The following BIVM variants were observed in gnomAD, a reference collection of about 807,000 sequenced individuals.
BIVM encodes basic, immunoglobulin-like variable motif containing.
BIVM carries 31 observed loss-of-function variants against 61.4 expected under a neutral mutation model. The ratio of observed to expected loss-of-function variants is 0.51; its 90% CI spans 0.38 to 0.68. The LOEUF is 0.68. Ranked by LOEUF, BIVM falls within the 30% of genes least tolerant of loss-of-function variation. BIVM has a pLI of 0.00. For missense variants in BIVM, 526 were observed against 596.0 expected, an observed-to-expected ratio of 0.88 and a Z score of 1.22; for synonymous variants, 189 against 210.7, an observed-to-expected ratio of 0.90 and a Z score of 0.89.
intron 9 of BIVM, among the ~76,000 whole-genome samples, chr13:102,837,508 G>T (rs922166764): frequency 1.3e-5 from 2 of 152,066 alleles, no homozygotes; most frequent in African/African-American, 4.8e-5. Context: ...ATTCCTTAAA[G>T]AACTAAAAGT....
intron 7 of BIVM, among the ~76,000 whole-genome samples, chr13:102,826,337 T>C (rs2140485457): frequency 6.6e-6 from 1 of 152,332 alleles, no homozygotes; most frequent in East Asian, 1.9e-4. Context: ...TTCTGTCTTC[T>C]GGAGTCTCTC....
At chr13:102,803,722 C>G (rs1251948209) in intron 1 of BIVM, among the ~76,000 whole-genome samples, 1 of 151,996 alleles carries the variant, frequency 6.6e-6, no homozygotes, top group Non-Finnish European at 1.5e-5. Context: ...TTTCATTCCT[C>G]ACCTCGCACA....
chr13:102,837,845 G>A (rs1881585561), intron 9 of BIVM, among the ~76,000 whole-genome samples: 5 of 152,236 alleles, frequency 3.3e-5, no homozygotes, highest in Admixed American at 2.0e-4. Flanking sequence ...TGGGAGCTAA[G>A]CTATGCGGAT....
intron 3 of BIVM, among the ~76,000 whole-genome samples, chr13:102,815,731 C>A (rs369257953): frequency 5.3e-4 from 80 of 152,248 alleles, no homozygotes; most frequent in African/African-American, 1.8e-3. Flanking sequence ...CTGTTGTTTG[C>A]CTTGAGGGTC....
intron 7 of BIVM, among the ~76,000 whole-genome samples, chr13:102,830,781 A>G (rs1881010668): frequency 6.6e-6 from 1 of 152,088 alleles, no homozygotes; most frequent in Non-Finnish European, 1.5e-5. Context: ...AAAGGAAAAA[A>G]CTCAGCAAAG....
chr13:102,822,275 A>C (rs1880346289), intron 7 of BIVM, 116 bp downstream of exon 7: 1 of 944,856 alleles, frequency 1.1e-6, no homozygotes, highest in Non-Finnish European at 1.6e-6. Flanking sequence ...CTGGGACATT[A>C]TGTAAACCCT....
chr13:102,822,032 G>T (rs2274390), intron 6 of BIVM, 33 bp from the exon 7 acceptor site: 4 of 1,606,316 alleles, frequency 2.5e-6, no homozygotes, highest in Non-Finnish European at 3.4e-6. Flanking sequence ...TTGTAGAATT[G>T]TTGCCATGAA....
chr13:102,823,552 T>C (rs1474535473), intron 7 of BIVM, among the ~76,000 whole-genome samples: 2 of 152,220 alleles, frequency 1.3e-5, no homozygotes, highest in African/African-American at 4.8e-5. Flanking sequence ...ACATGGGGCC[T>C]GTCTATCCTT....
In BIVM at chr13:102,807,680, C is replaced by T. The variant is rs755391680; in HGVS notation, c.413C>T (p.Pro138Leu). 1 of 1,614,050 alleles carries T rather than the reference C, an allele frequency of 6.2e-7. No individual in the cohort carries two copies. The highest frequency in any genetic ancestry group is 2.2e-5 in the East Asian group (1 of 44,888). ...TTATCCAACAGCCTGGGCAAGCTAC[C>T]TCTCGCATGGGAAATTGATAAATCT... ...ENLSNSLGKL[P>L]LAWEIDKSEF... The change falls in exon 3 of 11, where the codon CCT becomes CTT. Residue 138 changes from proline (P) to leucine (L), a missense_variant. Physicochemically the swap from Pro to Leu is moderately conservative, Grantham distance 98. This residue lies in a region of BIVM where 312 missense variants were observed against 343.8 expected (regional missense o/e 0.91). Transcript: ENST00000257336. The surrounding 1 kb of genome is among the most constrained non-coding windows in gnomAD (Gnocchi z 4.0).
At chr13:102,815,358 AAT>A (rs1239652490) in intron 3 of BIVM, among the ~76,000 whole-genome samples, 1 of 152,198 alleles carries the variant, frequency 6.6e-6, no homozygotes, top group African/African-American at 2.4e-5. Context: ...TTTAAAATAG[AAT>A]ATGTGTGAAA....
intron 3 of BIVM, among the ~76,000 whole-genome samples, chr13:102,814,140 C>A (rs1202672419): frequency 6.6e-6 from 1 of 151,790 alleles, no homozygotes; most frequent in Admixed American, 6.6e-5. Context: ...TGTGTGTGTG[C>A]TGTGGGTAGG....
chr13:102,825,349 C>T (rs191539794), intron 7 of BIVM, among the ~76,000 whole-genome samples: 9 of 152,262 alleles, frequency 5.9e-5, no homozygotes, highest in East Asian at 5.8e-4. Context: ...CCTCCTACCT[C>T]GGCCTCCCAA....
chr13:102,812,221 T>A (rs556094511), intron 3 of BIVM, among the ~76,000 whole-genome samples: 35 of 152,344 alleles, frequency 2.3e-4, no homozygotes, highest in South Asian at 6.2e-4. Context: ...GAATTTATTT[T>A]TGGTTTTAAG....
At chr13:102,804,485 G>C (rs1032781587) in intron 1 of BIVM, among the ~76,000 whole-genome samples, 20 of 151,702 alleles carry the variant, frequency 1.3e-4, no homozygotes, top group African/African-American at 4.4e-4. Context: ...TAATTTTTTT[G>C]TGTTTTTTAG....
At chr13:102,839,495 G>T in intron 10 of BIVM, 77 bp from the exon 11 acceptor site, 1 of 1,538,462 alleles carries the variant, frequency 6.5e-7, no homozygotes, top group South Asian at 1.3e-5. Flanking sequence ...AAAGAAAGAA[G>T]GGAGTTCATA....
intron 7 of BIVM, among the ~76,000 whole-genome samples, chr13:102,825,956 AG>A (rs949543854): frequency 3.3e-5 from 5 of 152,140 alleles, no homozygotes; most frequent in African/African-American, 1.2e-4. Context: ...GAAAAACTAG[AG>A]TTGCCTTTCT....
intron 9 of BIVM, among the ~76,000 whole-genome samples, chr13:102,836,421 T>C (rs751457179): frequency 3.7e-4 from 57 of 152,180 alleles, no homozygotes; most frequent in Non-Finnish European, 7.3e-4. Flanking sequence ...CAAGTGATCC[T>C]CCCATCTCAG....
chr13:102,816,274 G>A (rs1378356988), intron 3 of BIVM, among the ~76,000 whole-genome samples, 154 bp from the exon 4 acceptor site: 1 of 152,206 alleles, frequency 6.6e-6, no homozygotes, highest in Non-Finnish European at 1.5e-5. Flanking sequence ...TTTAGAACCT[G>A]TGGCAGTTAT....
intron 3 of BIVM, among the ~76,000 whole-genome samples, chr13:102,808,385 T>G (rs1344959075): frequency 6.6e-6 from 1 of 152,200 alleles, no homozygotes; most frequent in Non-Finnish European, 1.5e-5. Context: ...GTGAAGAAAT[T>G]GAGGCTTAGA....
Sources: allele counts gnomAD v4.1 joint callset (sites outside exome capture counted in the v4.1 genomes callset), GRCh38; gene constraint gnomAD v4.1.1; regional missense constraint gnomAD v4.1.1; non-coding constraint Gnocchi (gnomAD v3.1); transcripts MANE v1.5; gene names NCBI Gene and HGNC (gene_info 2026-07-23, HGNC 2026-07-21).